The following ZNF804A variants were observed in gnomAD, a reference collection of about 807,000 sequenced individuals.
ZNF804A encodes zinc finger protein 804A.
A neutral mutation model predicts 16.5 loss-of-function variants in ZNF804A; 2 were observed. That is an observed-to-expected ratio of 0.12 (90% confidence interval 0.05 to 0.38). The LOEUF (loss-of-function observed/expected upper bound fraction) is 0.38, where lower values mean the gene tolerates loss of function less well. Among genes scored for constraint, ZNF804A ranks in the 10% least tolerant of loss-of-function variants. The pLI, the probability that ZNF804A is intolerant of heterozygous loss-of-function variation, is 0.99. For missense variants in ZNF804A, 1,473 were observed against 1,390.7 expected, an observed-to-expected ratio of 1.06 and a Z score of -0.94; for synonymous variants, 534 against 489.6, an observed-to-expected ratio of 1.09 and a Z score of -1.20.
rs754410112 is a variant in ZNF804A at position 184,937,733 on chromosome 2, T to G, written c.2337T>G (p.Tyr779Ter). The stretch of plus-strand genomic sequence containing the variant: ...AACGTAGACAACATTCACATTCTTA[T>G]TCTTCAGATGAAAGTTTAAATCGAC... The part of the protein sequence containing the change: ...YRKRRQHSHS[Y>*]SSDESLNRQN... Residue 779 changes from tyrosine to a stop codon, truncating the protein, a stop_gained, in exon 4 of 4, where the codon TAT becomes TAG. Transcript: ENST00000302277. LOFTEE classifies it low-confidence loss of function (END_TRUNC). 2 of 1,614,058 alleles carry G rather than the reference T, an allele frequency of 1.2e-6. No individual in the cohort carries two copies. The highest frequency in any genetic ancestry group is 1.7e-6 in the Non-Finnish European group (2 of 1,179,980).
At chr2:184,778,145 G>C in intron 1 of ZNF804A, among the ~76,000 whole-genome samples, 1 of 151,642 alleles carries the variant, frequency 6.6e-6, no homozygotes, top group East Asian at 1.9e-4. Context: ...CTCCTGTTAT[G>C]TCTGATAATT....
chr2:184,693,952 C>T (rs1191027476), intron 1 of ZNF804A, among the ~76,000 whole-genome samples: 8 of 120,944 alleles, frequency 6.6e-5, no homozygotes, highest in South Asian at 2.6e-4. Flanking sequence ...TTTTTTTTGA[C>T]GGAGGCTCAC....
intron 1 of ZNF804A, among the ~76,000 whole-genome samples, chr2:184,712,473 C>T (rs886198617): frequency 2.6e-5 from 4 of 151,568 alleles, no homozygotes; most frequent in South Asian, 2.1e-4. Context: ...TCTTTAATGT[C>T]GACACGTTGG....
intron 1 of ZNF804A, among the ~76,000 whole-genome samples, chr2:184,801,427 ATAAGT>A (rs1220526718): frequency 1.3e-5 from 2 of 152,206 alleles, no homozygotes; most frequent in African/African-American, 4.8e-5. Context: ...TCCAATTAAC[ATAAGT>A]TAACACCATT....
At chr2:184,762,076 T>C (rs1358852815) in intron 1 of ZNF804A, among the ~76,000 whole-genome samples, 1 of 152,094 alleles carries the variant, frequency 6.6e-6, no homozygotes, top group Non-Finnish European at 1.5e-5. Context: ...TCACATTCCA[T>C]GATGTCTCTC....
At chr2:184,914,308 G>C (rs1224382533) in intron 2 of ZNF804A, among the ~76,000 whole-genome samples, 1 of 152,160 alleles carries the variant, frequency 6.6e-6, no homozygotes, top group Non-Finnish European at 1.5e-5. Flanking sequence ...TTTAATTGCA[G>C]AGAGATGAGA....
chr2:184,793,805 A>C (rs1694589119), intron 1 of ZNF804A, among the ~76,000 whole-genome samples: 1 of 152,096 alleles, frequency 6.6e-6, no homozygotes, highest in East Asian at 1.9e-4. Context: ...CCCACTTATG[A>C]GTGAGAACAT....
rs116622092 is a variant in ZNF804A, at chr2:184,840,417, T to C, written c.112-25952T>C. Among the ~76,000 whole-genome samples, 501 of 152,184 alleles carry C rather than the reference T, an allele frequency of 3.3e-3. 5 individuals are homozygous for C. Among genetic ancestry groups the C allele is most frequent in the African/African-American group, 0.012 (479 of 41,572 alleles). On this transcript the variant is annotated intron_variant, in intron 1 of 3. Coordinates refer to ENST00000302277, the MANE Select transcript of ZNF804A (RefSeq NM_194250.2). ...AAAAAAAGTCAATGAGACTCAAATC[T>C]TAACTATTTTCTTGTTATTCTCTGC... is the stretch of plus-strand genomic sequence containing the variant.
chr2:184,604,308 C>T (rs934117432), intron 1 of ZNF804A, among the ~76,000 whole-genome samples: 1 of 151,198 alleles, frequency 6.6e-6, no homozygotes, highest in Admixed American at 6.6e-5. Context: ...GTAGCTGGGA[C>T]TACAGGTGCC....
In ZNF804A at chr2:184,665,244, G is replaced by A. The variant is rs183041412; in HGVS notation, c.111+66174G>A. Among the ~76,000 whole-genome samples the A allele has an allele frequency of 6.2e-4, 94 of 152,224 alleles. 1 individual carries two copies. In the South Asian group the frequency reaches 0.012, roughly 20 times the overall value. ...AATATCAGATGACAATAAGGAACTA[G>A]CACTAAAGATTCAATATTGCTGGTT... On this transcript the variant is annotated intron_variant, in intron 1 of 3. Transcript: ENST00000302277.
At chr2:184,877,579 TG>T (rs1310053163) in intron 2 of ZNF804A, among the ~76,000 whole-genome samples, 1 of 152,076 alleles carries the variant, frequency 6.6e-6, no homozygotes, top group Admixed American at 6.6e-5. Flanking sequence ...TTGCTCTCTG[TG>T]GTAAGAGATA....
chr2:184,725,210 G>A (rs1028435481), intron 1 of ZNF804A, among the ~76,000 whole-genome samples: 8 of 151,590 alleles, frequency 5.3e-5, no homozygotes, highest in African/African-American at 1.9e-4. Context: ...GTGCTTACAT[G>A]TAAGGTTGCT....
At chr2:184,724,931 A>C (rs997285010) in intron 1 of ZNF804A, among the ~76,000 whole-genome samples, 1 of 151,820 alleles carries the variant, frequency 6.6e-6, no homozygotes, top group Non-Finnish European at 1.5e-5. Context: ...CTGATGCCTA[A>C]ATTTTAAGAT....
intron 1 of ZNF804A, among the ~76,000 whole-genome samples, chr2:184,611,437 A>G (rs1184067459): frequency 6.6e-6 from 1 of 151,980 alleles, no homozygotes. Context: ...TAGGGCATGA[A>G]TATTTAGCCC....
chr2:184,687,357 C>T (rs1307902509), intron 1 of ZNF804A, among the ~76,000 whole-genome samples: 1 of 152,116 alleles, frequency 6.6e-6, no homozygotes, highest in Non-Finnish European at 1.5e-5. Context: ...TGGAAGATGT[C>T]AAAGATCAGT....
intron 1 of ZNF804A, among the ~76,000 whole-genome samples, chr2:184,824,905 CTGTGACCATT>C (rs1362694921): frequency 6.6e-6 from 1 of 152,032 alleles, no homozygotes; most frequent in Non-Finnish European, 1.5e-5. Flanking sequence ...AAAGGGAAGA[CTGTGACCATT>C]TGTGACCTAC....
intron 1 of ZNF804A, among the ~76,000 whole-genome samples, chr2:184,805,380 T>G (rs535005342): frequency 6.6e-6 from 1 of 152,262 alleles, no homozygotes; most frequent in South Asian, 2.1e-4. Flanking sequence ...CTGTATATGC[T>G]TAATTGGTAA....
At chr2:184,687,297 G>A (rs537435470) in intron 1 of ZNF804A, among the ~76,000 whole-genome samples, 30 of 152,226 alleles carry the variant, frequency 2.0e-4, no homozygotes, top group Admixed American at 5.2e-4. Flanking sequence ...GTCATTGCTC[G>A]TTACTGTCGG....
chr2:184,664,730 C>T (rs975411028), intron 1 of ZNF804A, among the ~76,000 whole-genome samples: 1 of 152,100 alleles, frequency 6.6e-6, no homozygotes, highest in African/African-American at 2.4e-5. Context: ...TTACATTATT[C>T]TTGTTCAGAA....
Sources: allele counts gnomAD v4.1 joint callset (sites outside exome capture counted in the v4.1 genomes callset), GRCh38; gene constraint gnomAD v4.1.1; transcripts MANE v1.5; gene names NCBI Gene and HGNC (gene_info 2026-07-23, HGNC 2026-07-21).